The following NLRP14 variants were observed in gnomAD, a reference collection of about 807,000 sequenced individuals.
The protein encoded by NLRP14 is NACHT, LRR and PYD domains-containing protein 14.
In NLRP14, 105 loss-of-function variants were observed where a neutral mutation model predicts 94.7. That is an observed-to-expected ratio of 1.11 (90% CI 0.95 to 1.30). NLRP14 has a LOEUF of 1.30. Among genes scored for constraint, NLRP14 ranks in the 50% most tolerant of loss-of-function variants. The pLI is 0.00. For synonymous variants in NLRP14, 508 were observed against 459.9 expected (o/e 1.10, Z -1.34); for missense variants, 1,362 against 1,254.1 (o/e 1.09, Z -1.30).
chr11:7,076,657 C>G, the NLRP14 span, among the ~76,000 whole-genome samples: 2 of 152,112 alleles, frequency 1.3e-5, no homozygotes, highest in Non-Finnish European at 2.9e-5. Flanking sequence ...TCATCTCCCC[C>G]TCCCCTTTCC....
At chr11:7,080,166 G>T in the NLRP14 span, among the ~76,000 whole-genome samples, 14 of 152,292 alleles carry the variant, frequency 9.2e-5, no homozygotes, top group Non-Finnish European at 1.8e-4. Flanking sequence ...TAGGTATCCT[G>T]GGGACCCCAT....
Position 7,057,757 on chromosome 11 carries a change from T to C in NLRP14, c.2372T>C (p.Leu791Pro), listed in dbSNP as rs1265210346. ...ALIRSQSLIF[L>P]NLSTNNLLDD... is the part of the protein sequence containing the mutation. ...ATCAGAAGCCAGAGCCTGATATTTCTGAATCTGTCAACCAATAATCTGTTG... is the reference window on the plus strand; with the variant it reads ...ATCAGAAGCCAGAGCCTGATATTTCCGAATCTGTCAACCAATAATCTGTTG... Residue 791 changes from leucine (L) to proline (P), a missense_variant, in exon 7 of 12, where the codon CTG (leucine) becomes CCG (proline). Physicochemically the swap from Leu to Pro is moderately conservative, Grantham distance 98. Transcript: ENST00000299481. 1.2e-6 allele frequency: 2 copies of C among 1,612,202 alleles called. No homozygotes were observed. Among genetic ancestry groups the C allele is most frequent in the South Asian group, 2.2e-5 (2 of 91,048 alleles).
At chr11:7,078,795 A>G in the NLRP14 span, among the ~76,000 whole-genome samples, 1 of 152,184 alleles carries the variant, frequency 6.6e-6, no homozygotes, top group East Asian at 1.9e-4. Flanking sequence ...TCTCAAAAAA[A>G]AAATTGATTA....
At chr11:7,077,940 T>C in the NLRP14 span, among the ~76,000 whole-genome samples, 2 of 151,932 alleles carry the variant, frequency 1.3e-5, no homozygotes, top group African/African-American at 2.4e-5. Context: ...GTTGCCAGGG[T>C]CTGGAGGTGG....
intron 1 of NLRP14, among the ~76,000 whole-genome samples, chr11:7,024,402 T>A (rs1042455915): frequency 1.3e-5 from 2 of 152,240 alleles, no homozygotes; most frequent in Non-Finnish European, 2.9e-5. Context: ...CTGGTTTCTG[T>A]TATGCTATCT....
intron 1 of NLRP14, among the ~76,000 whole-genome samples, chr11:7,027,951 T>C (rs1274849927): frequency 6.6e-6 from 1 of 152,192 alleles, no homozygotes; most frequent in Admixed American, 6.5e-5. Context: ...TTTCATGCTT[T>C]TTTGAAAACA....
At chr11:7,028,773 C>G (rs1031259671) in intron 1 of NLRP14, among the ~76,000 whole-genome samples, 17 of 151,916 alleles carry the variant, frequency 1.1e-4, no homozygotes, top group African/African-American at 3.9e-4. Flanking sequence ...CACTTTACTC[C>G]CTTCTTTCAT....
chr11:7,081,006 G>T, the NLRP14 span, among the ~76,000 whole-genome samples: 1 of 152,108 alleles, frequency 6.6e-6, no homozygotes, highest in African/African-American at 2.4e-5. Flanking sequence ...TCTTGGGACA[G>T]AAATCTTTCT....
At chr11:7,041,347 A>C (rs961516833) in intron 3 of NLRP14, among the ~76,000 whole-genome samples, 2 of 152,186 alleles carry the variant, frequency 1.3e-5, no homozygotes, top group Admixed American at 1.3e-4. Context: ...CCCCATCCCC[A>C]ATCCTACTAT....
At chr11:7,032,729 G>A (rs1852115330) in intron 1 of NLRP14, among the ~76,000 whole-genome samples, 1 of 151,992 alleles carries the variant, frequency 6.6e-6, no homozygotes, top group African/African-American at 2.4e-5. Flanking sequence ...CCCCTTCTAT[G>A]AATAGGCTAT....
At chr11:7,037,201 T>A (rs1274805451) in intron 1 of NLRP14, among the ~76,000 whole-genome samples, 2 of 152,226 alleles carry the variant, frequency 1.3e-5, no homozygotes, top group African/African-American at 2.4e-5. Flanking sequence ...TTATGCTTTT[T>A]AAAAAATTAC....
the NLRP14 span, among the ~76,000 whole-genome samples, chr11:7,086,604 C>T: frequency 0.042 from 6,322 of 152,248 alleles, 368 homozygotes; most frequent in African/African-American, 0.13. Flanking sequence ...AATATCCATT[C>T]CCAGAATACA....
intron 3 of NLRP14, among the ~76,000 whole-genome samples, chr11:7,041,197 G>C (rs528810962): frequency 6.6e-6 from 1 of 151,758 alleles, no homozygotes; most frequent in African/African-American, 2.4e-5. Context: ...CATTATTTTC[G>C]CTTTTTGGGA....
intron 8 of NLRP14, among the ~76,000 whole-genome samples, chr11:7,058,740 C>T (rs1367509163): frequency 6.6e-6 from 1 of 151,946 alleles, no homozygotes; most frequent in Non-Finnish European, 1.5e-5. Flanking sequence ...GGAGATAATG[C>T]ACCTTGCTTA....
At position 7,062,552 on chromosome 11, in the gene NLRP14, G is replaced by A. The variant is rs755500036; in HGVS notation, c.2975+49G>A. 4.7e-6 allele frequency: 7 copies of A among 1,476,774 alleles called. No individual in the cohort carries two copies. In the South Asian group the frequency reaches 7.9e-5, roughly 17 times the overall value. 91.5% of individuals were successfully genotyped at this position (1,476,774 alleles called of 1,614,324 possible). Reference sequence around the variant, plus strand: ...GAAAATGATGCCTATTTGGTAGCTAGTATAGCTAGAAGATATTTAGTGTAT... The same window carrying A: ...GAAAATGATGCCTATTTGGTAGCTAATATAGCTAGAAGATATTTAGTGTAT... On this transcript the variant is annotated intron_variant, in intron 10 of 11. Coordinates refer to ENST00000299481, the MANE Select transcript of NLRP14 (RefSeq NM_176822.4).
In NLRP14 at chr11:7,060,303, C is replaced by T. The variant is rs116554033; in HGVS notation, c.2804+239C>T. ...TGAGGACCAGAGGCATCAGGCTGAA[C>T]AGTGGCCATTTTATTCTTTCCTTGG... On this transcript the variant is annotated intron_variant, in intron 9 of 11. Coordinates refer to ENST00000299481, the MANE Select transcript of NLRP14 (RefSeq NM_176822.4). Among the ~76,000 whole-genome samples, 340 of 152,070 alleles carry T rather than the reference C, an allele frequency of 2.2e-3. 2 individuals are homozygous for T. The highest frequency in any genetic ancestry group is 8.0e-3 in the African/African-American group (334 of 41,524).
chr11:7,056,514 A>AT (rs1852517415), intron 6 of NLRP14, among the ~76,000 whole-genome samples: 1 of 87,226 alleles, frequency 1.1e-5, no homozygotes, highest in Non-Finnish European at 2.4e-5. Flanking sequence ...TAGCACTAAT[A>AT]CAAAAAAAAA....
the NLRP14 span, among the ~76,000 whole-genome samples, chr11:7,088,235 G>A: frequency 2.6e-5 from 4 of 152,108 alleles, no homozygotes; most frequent in East Asian, 1.9e-4. Context: ...ATATCGTACA[G>A]AGCATATTAA....
intron 6 of NLRP14, among the ~76,000 whole-genome samples, chr11:7,057,125 A>G (rs1852527608): frequency 6.6e-6 from 1 of 152,002 alleles, no homozygotes; most frequent in Non-Finnish European, 1.5e-5. Flanking sequence ...TCTAAATATG[A>G]GTCTCTCTAC....
Sources: allele counts gnomAD v4.1 joint callset (sites outside exome capture counted in the v4.1 genomes callset), GRCh38; gene constraint gnomAD v4.1.1; transcripts MANE v1.5; gene names NCBI Gene and HGNC (gene_info 2026-07-23, HGNC 2026-07-21).